The following DIAPH2 variants were observed in gnomAD, a reference collection of about 807,000 sequenced individuals.
The protein encoded by DIAPH2 is protein diaphanous homolog 2.
In DIAPH2, 35 loss-of-function variants were observed where a neutral mutation model predicts 92.7. The observed-to-expected ratio is 0.38, with a 90% CI of 0.29 to 0.50. DIAPH2 has a LOEUF of 0.50. Ranked by LOEUF, DIAPH2 falls within the 20% of genes least tolerant of loss-of-function variation. The pLI, the probability that DIAPH2 is intolerant of heterozygous loss-of-function variation, is 0.94. For synonymous variants in DIAPH2, 301 were observed against 280.4 expected (o/e 1.07, Z -0.73); for missense variants, 701 against 819.5 (o/e 0.86, Z 1.77).
intron 4 of DIAPH2, among the ~76,000 whole-genome samples, chrX:96,856,586 TA>T (rs34823574): frequency 1.9e-5 from 2 of 105,854 alleles, no homozygotes; most frequent in Non-Finnish European, 1.9e-5. Flanking sequence ...TATATATATT[TA>T]AAAAAAAAGT....
intron 22 of DIAPH2, among the ~76,000 whole-genome samples, chrX:97,210,413 T>C (rs926766018): frequency 8.9e-6 from 1 of 111,880 alleles, no homozygotes. Flanking sequence ...TTTATTTTCA[T>C]TTCTGTTATA....
intron 4 of DIAPH2, among the ~76,000 whole-genome samples, chrX:96,829,597 G>A (rs2064838007): frequency 9.1e-6 from 1 of 110,425 alleles, no homozygotes; most frequent in Admixed American, 9.7e-5. Context: ...GGGTTCAAGT[G>A]AATCTCCTGT....
At chrX:97,179,720 A>G (rs1054170364) in intron 22 of DIAPH2, among the ~76,000 whole-genome samples, 16 of 111,838 alleles carry the variant, frequency 1.4e-4, no homozygotes, top group African/African-American at 4.9e-4. Context: ...CTTTGGATAT[A>G]TGCCTAGTGT....
At chrX:97,375,713 C>A (rs954686066) in intron 24 of DIAPH2, among the ~76,000 whole-genome samples, 2 of 111,564 alleles carry the variant, frequency 1.8e-5, no homozygotes, top group Admixed American at 9.5e-5. Context: ...TCTGGACAAC[C>A]TGTCCATTGC....
rs1264038639 is a variant in DIAPH2 at position 97,381,984 on chromosome X, T to C, written c.3010-1925T>C. 6.3e-5 allele frequency among the ~76,000 whole-genome samples: 7 copies of C among 111,116 alleles called. No individual in the cohort carries two copies. The East Asian group carries it at 8.7e-4, about 14-fold the overall frequency. ...CTCAGCATGTAAACAACCCATTAGA[T>C]TGATAATATAATAGTCCACCCAGAT... On this transcript the variant is annotated intron_variant, in intron 24 of 26. Coordinates refer to ENST00000324765, the MANE Select transcript of DIAPH2 (RefSeq NM_006729.5).
Position 96,753,666 on chromosome X carries a change from G to A in DIAPH2, c.343-4488G>A, listed in dbSNP as rs143896516. ...AACATAAGAAAAATCCACTCTGGCA[G>A]GTTTAAATAGAATATAATTTTAGAG... On this transcript the variant is annotated intron_variant, in intron 3 of 26. Transcript: ENST00000324765. Among the ~76,000 whole-genome samples the A allele has an allele frequency of 7.1e-4, 79 of 111,138 alleles. 2 individuals carry two copies. The East Asian group carries it at 0.019, about 26-fold the overall frequency.
chrX:96,785,388 A>T (rs755714203), intron 4 of DIAPH2, among the ~76,000 whole-genome samples: 1 of 108,707 alleles, frequency 9.2e-6, no homozygotes, highest in Non-Finnish European at 1.9e-5. Flanking sequence ...CTCTTGCTGC[A>T]TCCTCTGGAG....
At chrX:97,233,175 T>A (rs773594639) in intron 22 of DIAPH2, among the ~76,000 whole-genome samples, 1 of 112,417 alleles carries the variant, frequency 8.9e-6, no homozygotes, top group East Asian at 2.8e-4. Flanking sequence ...ATGTGTTAAC[T>A]TTCAGGGCCT....
intron 4 of DIAPH2, among the ~76,000 whole-genome samples, chrX:96,767,539 A>G (rs769587806): frequency 1.8e-5 from 2 of 112,345 alleles, no homozygotes; most frequent in East Asian, 5.5e-4. Context: ...TCTGAATTAC[A>G]TTTTTGTTAA....
rs1053373342 is a variant in DIAPH2 at position 97,175,145 on chromosome X, A to G, written c.2719+33351A>G. ...CATGTGCATACTGCATTATGAACCT[A>G]TTTCCAATAGATTAGGAAAATAGTT... On this transcript the variant is annotated intron_variant, in intron 22 of 26. Coordinates refer to ENST00000324765, the MANE Select transcript of DIAPH2 (RefSeq NM_006729.5). 2.7e-5 allele frequency among the ~76,000 whole-genome samples: 3 copies of G among 112,061 alleles called. No homozygotes were observed. The East Asian group carries it at 8.4e-4, about 31-fold the overall frequency.
intron 4 of DIAPH2, among the ~76,000 whole-genome samples, chrX:96,831,504 G>A (rs1229525548): frequency 8.9e-6 from 1 of 111,799 alleles, no homozygotes; most frequent in Non-Finnish European, 1.9e-5. Flanking sequence ...AAAAATCTGT[G>A]CAACTGTGAT....
At chrX:97,289,474 A>G (rs1302074792) in intron 23 of DIAPH2, among the ~76,000 whole-genome samples, 2 of 111,602 alleles carry the variant, frequency 1.8e-5, no homozygotes, top group African/African-American at 3.3e-5. Context: ...TTGAGCTGCT[A>G]CATCTCATTT....
At chrX:96,817,250 A>C (rs1217013596) in intron 4 of DIAPH2, among the ~76,000 whole-genome samples, 2 of 112,020 alleles carry the variant, frequency 1.8e-5, no homozygotes, top group East Asian at 5.6e-4. Context: ...GTAACACAAA[A>C]GATAAATGCT....
At chrX:96,855,893 A>C (rs2065036692) in intron 4 of DIAPH2, among the ~76,000 whole-genome samples, 1 of 111,753 alleles carries the variant, frequency 8.9e-6, no homozygotes, top group East Asian at 2.8e-4. Flanking sequence ...TGGAAATAAC[A>C]ATATATGGCA....
At chrX:97,029,477 TTG>T (rs1345968091) in intron 17 of DIAPH2, among the ~76,000 whole-genome samples, 2 of 111,623 alleles carry the variant, frequency 1.8e-5, no homozygotes, top group African/African-American at 6.5e-5. Context: ...ATTCTCTGGG[TTG>T]TGTTTTCATT....
intron 26 of DIAPH2, among the ~76,000 whole-genome samples, chrX:97,508,845 T>G (rs1353845618): frequency 1.8e-5 from 2 of 110,368 alleles, no homozygotes; most frequent in Non-Finnish European, 3.8e-5. Context: ...AAAGCAGTCT[T>G]TCATAATACC....
At chrX:97,229,812 T>A (rs2067994265) in intron 22 of DIAPH2, among the ~76,000 whole-genome samples, 2 of 78,703 alleles carry the variant, frequency 2.5e-5, no homozygotes, top group Non-Finnish European at 5.6e-5. Context: ...TAATATATTG[T>A]TATTATATAT....
intron 15 of DIAPH2, among the ~76,000 whole-genome samples, chrX:96,954,784 T>A (rs1227596738): frequency 1.8e-5 from 2 of 112,373 alleles, no homozygotes; most frequent in East Asian, 5.6e-4. Context: ...TGTAAAAATG[T>A]TGATAAGCAT....
intron 16 of DIAPH2, among the ~76,000 whole-genome samples, chrX:96,958,645 AC>A (rs1222253142): frequency 9.0e-6 from 1 of 111,288 alleles, no homozygotes; most frequent in African/African-American, 3.3e-5. Flanking sequence ...TGGTCACTTT[AC>A]TGTGCTATCA....
Sources: gnomAD v4.1 joint callset for allele counts (sites outside exome capture counted in the v4.1 genomes callset) on GRCh38, gnomAD v4.1.1 for gene constraint, MANE v1.5 for transcripts, NCBI Gene and HGNC (gene_info 2026-07-23, HGNC 2026-07-21) for gene names.